RBM19: variants seen among roughly 807,000 people sequenced by gnomAD.
RBM19 encodes the protein probable RNA-binding protein 19.
A neutral mutation model predicts 116.8 loss-of-function variants in RBM19; 94 were observed. The ratio of observed to expected loss-of-function variants is 0.80; its 90% CI spans 0.68 to 0.95. The LOEUF is 0.95. RBM19 is among the 40% of genes least tolerant of loss of function. The pLI is 0.00. For synonymous variants in RBM19, 475 were observed against 494.1 expected, an observed-to-expected ratio of 0.96 and a Z score of 0.51; for missense variants, 1,161 against 1,220.7, an observed-to-expected ratio of 0.95 and a Z score of 0.73.
chr12:113,914,847 T>G (rs1226296348), intron 21 of RBM19, 122 bp downstream of exon 21: 5 of 832,512 alleles, frequency 6.0e-6, no homozygotes, highest in Admixed American at 2.0e-5. Flanking sequence ...AAGATGACCT[T>G]TGAAAGACCA....
chr12:113,927,196 G>A lies in RBM19; in HGVS notation c.2102C>T (p.Pro701Leu). Residue 701 changes from proline (P) to leucine (L), a missense_variant, in exon 17 of 24, where the codon CCA becomes CTA. Pro to Leu is a moderately conservative substitution (Grantham distance 98). Transcript: ENST00000261741. ...AGAGTTGTCTGCTCCTTCCTCTGTT[G>A]GATTTTCATCTTCTGGGGTTTCGCC... ...PDGETPEDENPTEEGADNSSA... is the reference protein window; with the variant it reads ...PDGETPEDENLTEEGADNSSA... 6.3e-7 allele frequency: 1 copy of A among 1,575,200 alleles called. No individual in the cohort carries two copies. Among genetic ancestry groups the A allele is most frequent in the Non-Finnish European group, 8.6e-7 (1 of 1,159,704 alleles).
chr12:113,886,482 C>A (rs1287176511), intron 21 of RBM19, among the ~76,000 whole-genome samples: 2 of 152,096 alleles, frequency 1.3e-5, no homozygotes, highest in Admixed American at 1.3e-4. Context: ...AAGATAGATG[C>A]AGACTCCTCT....
At chr12:113,878,522 G>A (rs893043595) in intron 21 of RBM19, among the ~76,000 whole-genome samples, 2 of 152,134 alleles carry the variant, frequency 1.3e-5, no homozygotes, top group East Asian at 3.9e-4. Flanking sequence ...CAGGCCCCAA[G>A]CGGGTTCTTT....
At chr12:113,916,624 C>T (rs1014392932) in intron 20 of RBM19, among the ~76,000 whole-genome samples, 1 of 152,170 alleles carries the variant, frequency 6.6e-6, no homozygotes, top group African/African-American at 2.4e-5. Context: ...TGGCCTCCTT[C>T]TTCCCCATTC....
At chr12:113,853,786 C>T (rs945591439) in intron 22 of RBM19, among the ~76,000 whole-genome samples, 2 of 152,170 alleles carry the variant, frequency 1.3e-5, no homozygotes, top group South Asian at 2.1e-4. Context: ...GAAGGCAGCA[C>T]GGTAGAGTGT....
At chr12:113,889,301 C>A (rs533763989) in intron 21 of RBM19, among the ~76,000 whole-genome samples, 2 of 152,296 alleles carry the variant, frequency 1.3e-5, no homozygotes, top group East Asian at 3.9e-4. Flanking sequence ...ATCAGCACTG[C>A]TATGGGGAAA....
intron 9 of RBM19, 80 bp downstream of exon 9, chr12:113,950,003 G>T: frequency 8.0e-7 from 1 of 1,256,096 alleles, no homozygotes; most frequent in Non-Finnish European, 1.1e-6. Flanking sequence ...TGATGGTGCT[G>T]GTACAAGAAC....
intron 21 of RBM19, among the ~76,000 whole-genome samples, chr12:113,874,987 T>C (rs1185249220): frequency 3.9e-5 from 6 of 152,352 alleles, no homozygotes; most frequent in East Asian, 1.9e-4. Flanking sequence ...CTTCAGGTAA[T>C]TGAGTAGCTT....
At chr12:113,931,328 T>C (rs1265464537) in intron 16 of RBM19, among the ~76,000 whole-genome samples, 2 of 152,176 alleles carry the variant, frequency 1.3e-5, no homozygotes, top group Admixed American at 6.5e-5. Context: ...CCAAGTCTTA[T>C]AAGGGCAACA....
chr12:113,860,422 G>T (rs1446840481), intron 21 of RBM19, among the ~76,000 whole-genome samples: 1 of 152,232 alleles, frequency 6.6e-6, no homozygotes, highest in Non-Finnish European at 1.5e-5. Flanking sequence ...GGAAGGGCGT[G>T]GACAAATTTT....
intron 23 of RBM19, among the ~76,000 whole-genome samples, chr12:113,842,811 TA>T (rs531141639): frequency 4.6e-4 from 67 of 145,764 alleles, no homozygotes; most frequent in Middle Eastern, 3.5e-3. Flanking sequence ...TTTATCAGGT[TA>T]AAAAAAAAAA....
intron 14 of RBM19, among the ~76,000 whole-genome samples, chr12:113,941,973 C>G (rs1870612908): frequency 1.3e-5 from 2 of 152,186 alleles, no homozygotes; most frequent in South Asian, 4.1e-4. Context: ...CATGGAGGTG[C>G]TGGACTCTTC....
At chr12:113,927,933 G>A (rs1308056192) in intron 16 of RBM19, among the ~76,000 whole-genome samples, 2 of 152,204 alleles carry the variant, frequency 1.3e-5, no homozygotes, top group African/African-American at 4.8e-5. Flanking sequence ...TGTCGTTTCC[G>A]AAGAACGTTT....
In RBM19 at chr12:113,927,076, G is replaced by A. The variant is rs1162676224; in HGVS notation, c.2222C>T (p.Thr741Ile). The change falls in exon 17 of 24, where the codon ACA becomes ATA. Residue 741 changes from threonine (T) to isoleucine (I), a missense_variant. Thr to Ile is a moderately conservative substitution (Grantham distance 89). Coordinates refer to ENST00000261741, the MANE Select transcript of RBM19 (RefSeq NM_016196.4). Reference sequence around the variant, plus strand: ...CACTTCCTTCAGCTTCTCTTCTGTTGTGTCAAAATTGAGATTCTTAATAAA... The same window carrying A: ...CACTTCCTTCAGCTTCTCTTCTGTTATGTCAAAATTGAGATTCTTAATAAA... ...TLFIKNLNFD[T>I]TEEKLKEVFS... 6.2e-7 allele frequency: 1 copy of A among 1,613,416 alleles called. No individual in the cohort carries two copies. The highest frequency in any genetic ancestry group is 8.5e-7 in the Non-Finnish European group (1 of 1,179,988).
chr12:113,876,256 A>G (rs931109182), intron 21 of RBM19, among the ~76,000 whole-genome samples: 3 of 152,152 alleles, frequency 2.0e-5, no homozygotes, highest in Admixed American at 6.5e-5. Flanking sequence ...AGTGGCTGCC[A>G]CCCACACTGG....
At position 113,962,432 on chromosome 12, in the gene RBM19, G is replaced by T. The variant is rs370675972; in HGVS notation, c.37-18C>A. 7.2e-5 allele frequency: 116 copies of T among 1,607,466 alleles called. No homozygotes were observed. In the African/African-American group the frequency reaches 1.5e-3, roughly 21 times the overall value. ...TCCTTCATCTAGGACAGAGGGAAAG[G>T]AATGAGAGACGAACTGGAAAGTCCC... On this transcript the variant is annotated intron_variant, in intron 1 of 23. Transcript: ENST00000261741.
intron 23 of RBM19, among the ~76,000 whole-genome samples, chr12:113,823,724 GAGAA>G (rs1224290949): frequency 6.6e-6 from 1 of 152,152 alleles, no homozygotes; most frequent in African/African-American, 2.4e-5. Flanking sequence ...AGAAAAAAGA[GAGAA>G]AGGGTCTCCT....
At chr12:113,830,991 G>A (rs1421714411) in intron 23 of RBM19, among the ~76,000 whole-genome samples, 1 of 152,178 alleles carries the variant, frequency 6.6e-6, no homozygotes, top group African/African-American at 2.4e-5. Context: ...GGGGTCGGGG[G>A]AGACTACAGG....
At chr12:113,863,082 G>C (rs528757253) in intron 21 of RBM19, among the ~76,000 whole-genome samples, 8 of 152,166 alleles carry the variant, frequency 5.3e-5, no homozygotes, top group African/African-American at 1.9e-4. Flanking sequence ...AGGGAGGAGG[G>C]GGGAGGAGGT....
Sources: gnomAD v4.1 joint callset for allele counts (sites outside exome capture counted in the v4.1 genomes callset) on GRCh38, gnomAD v4.1.1 for gene constraint, MANE v1.5 for transcripts, NCBI Gene and HGNC (gene_info 2026-07-23, HGNC 2026-07-21) for gene names.